The following WBP1L variants were observed in gnomAD, a reference collection of about 807,000 sequenced individuals.
The protein encoded by WBP1L is WW domain binding protein 1 like, also known as WW domain binding protein 1-like.
WBP1L carries 17 observed loss-of-function variants against 33.7 expected under a neutral mutation model. The observed-to-expected ratio is 0.50, with a 90% CI of 0.34 to 0.76. WBP1L has a LOEUF of 0.76. WBP1L is among the 30% of genes least tolerant of loss of function. The pLI is 0.01. For missense variants in WBP1L, 389 were observed against 469.4 expected, an observed-to-expected ratio of 0.83 and a Z score of 1.58; for synonymous variants, 173 against 190.8, an observed-to-expected ratio of 0.91 and a Z score of 0.77.
intron 1 of WBP1L, among the ~76,000 whole-genome samples, chr10:102,773,478 C>T (rs1010101249): frequency 6.6e-6 from 1 of 151,992 alleles, no homozygotes; most frequent in South Asian, 2.1e-4. Flanking sequence ...ATTAGGAAAT[C>T]AGGAAGTCTA....
At chr10:102,800,673 T>C (rs1391655225) in intron 2 of WBP1L, among the ~76,000 whole-genome samples, 1 of 152,212 alleles carries the variant, frequency 6.6e-6, no homozygotes, top group Non-Finnish European at 1.5e-5. Context: ...CAGGAAGTCC[T>C]CCGATCTCCC....
intron 2 of WBP1L, among the ~76,000 whole-genome samples, chr10:102,807,015 G>T (rs946466834): frequency 1.3e-5 from 2 of 152,024 alleles, no homozygotes; most frequent in Non-Finnish European, 2.9e-5. Flanking sequence ...TTTAAACAAG[G>T]TTAACTTGAT....
chr10:102,790,364 A>T (rs1256267261), intron 1 of WBP1L, among the ~76,000 whole-genome samples: 1 of 151,620 alleles, frequency 6.6e-6, no homozygotes, highest in Non-Finnish European at 1.5e-5. Flanking sequence ...TTTGGCTTTA[A>T]TCATTTGAGA....
chr10:102,776,026 G>A (rs1843256310), intron 1 of WBP1L: 1 of 917,106 alleles, frequency 1.1e-6, no homozygotes, highest in African/African-American at 1.8e-5. Context: ...TGGGTCCAGG[G>A]CTGGGCATCG....
intron 2 of WBP1L, among the ~76,000 whole-genome samples, chr10:102,803,765 C>T (rs182271663): frequency 5.3e-5 from 8 of 152,158 alleles, no homozygotes; most frequent in African/African-American, 1.4e-4. Flanking sequence ...CCTGCCACTA[C>T]GCCCAGCTAA....
At chr10:102,754,960 T>C (rs1236861271) in intron 1 of WBP1L, among the ~76,000 whole-genome samples, 1 of 151,192 alleles carries the variant, frequency 6.6e-6, no homozygotes, top group African/African-American at 2.4e-5. Context: ...CTTTCACCTT[T>C]TTTTTTTGAG....
chr10:102,786,966 G>A (rs1237697176), intron 1 of WBP1L, among the ~76,000 whole-genome samples: 1 of 152,204 alleles, frequency 6.6e-6, no homozygotes, highest in South Asian at 2.1e-4. Flanking sequence ...GAGCCCTTAA[G>A]GAGTAAACCA....
At chr10:102,797,502 A>C (rs1302879506) in intron 1 of WBP1L, among the ~76,000 whole-genome samples, 1 of 148,046 alleles carries the variant, frequency 6.8e-6, no homozygotes, top group East Asian at 2.0e-4. Context: ...TTTCCCCTAA[A>C]CTCTGTTGTT....
intron 1 of WBP1L, among the ~76,000 whole-genome samples, chr10:102,750,224 A>G (rs1419501642): frequency 1.3e-5 from 2 of 151,336 alleles, no homozygotes; most frequent in African/African-American, 2.4e-5. Context: ...CGTGGCCAAC[A>G]TGGTGAAACC....
At position 102,789,845 on chromosome 10, in the gene WBP1L, C is replaced by A. The variant is rs528305946; in HGVS notation, c.91-8148C>A. On this transcript the variant is annotated intron_variant, in intron 1 of 3. Transcript: ENST00000448841. ...GCAACCCCCGCCTCTCAGGTTCAAGCGATTTTCCTGCCTCAGCCTCCCGAG... is the reference window on the plus strand; with the variant it reads ...GCAACCCCCGCCTCTCAGGTTCAAGAGATTTTCCTGCCTCAGCCTCCCGAG... Among the ~76,000 whole-genome samples, 48 of 151,018 alleles carry A rather than the reference C, an allele frequency of 3.2e-4. 1 individual carries two copies. The South Asian group carries it at 9.4e-3, about 30-fold the overall frequency.
Position 102,813,433 on chromosome 10 carries a change from C to A in WBP1L, c.*102C>A. On this transcript the variant is annotated 3_prime_UTR_variant, in exon 4 of 4. Transcript: ENST00000448841. ...CTTTCAAAGACTTTCAGAGTACAGC[C>A]ACTTGGTTCCTTTTTGTTTGTTTTC... 7.0e-7 allele frequency: 1 copy of A among 1,422,316 alleles called. No individual in the cohort carries two copies. The highest frequency in any genetic ancestry group is 1.4e-5 in the South Asian group (1 of 70,144). The allele number at this position is 1,422,316 out of a possible 1,614,324, so 88.1% of individuals were successfully genotyped here. A position where few individuals can be genotyped will look rare whatever the true frequency, so the allele number is the denominator to read the frequency against.
intron 3 of WBP1L, among the ~76,000 whole-genome samples, chr10:102,811,460 G>T (rs997128314): frequency 4.6e-5 from 7 of 152,176 alleles, no homozygotes; most frequent in African/African-American, 1.4e-4. Context: ...TCCAAAGCCA[G>T]TCTACAGTGT....
chr10:102,812,683 ACAG>A lies in WBP1L; in HGVS notation c.455_457del (p.Gln152del), dbSNP rs776086045. On this transcript the variant is annotated inframe_deletion, in exon 4 of 4. Coordinates refer to ENST00000448841, the MANE Select transcript of WBP1L (RefSeq NM_001083913.2). ...CCCCACCATACAGTGCCTTCCAGCTACAGCAGCAGCAGCTGCTGCCTCCACAGT... is the reference window on the plus strand; with the variant it reads ...CCCCACCATACAGTGCCTTCCAGCTACAGCAGCAGCTGCTGCCTCCACAGT... The A allele has an allele frequency of 1.2e-6, 2 of 1,613,628 alleles. No individual in the cohort carries two copies. The highest frequency in any genetic ancestry group is 1.7e-6 in the Non-Finnish European group (2 of 1,179,856).
intron 1 of WBP1L, among the ~76,000 whole-genome samples, chr10:102,792,119 T>G (rs1391040353): frequency 6.6e-6 from 1 of 152,188 alleles, no homozygotes; most frequent in East Asian, 1.9e-4. Flanking sequence ...TTTTTTCCAG[T>G]TTGGTGTTGG....
At chr10:102,761,993 G>A (rs1301364312) in intron 1 of WBP1L, among the ~76,000 whole-genome samples, 1 of 152,120 alleles carries the variant, frequency 6.6e-6, no homozygotes, top group Admixed American at 6.5e-5. Flanking sequence ...GACTGCAAGT[G>A]TGTGCCACCA....
At chr10:102,750,932 T>A (rs1842918667) in intron 1 of WBP1L, among the ~76,000 whole-genome samples, 1 of 152,208 alleles carries the variant, frequency 6.6e-6, no homozygotes, top group Admixed American at 6.5e-5. Flanking sequence ...ATTTGCCTGT[T>A]CTAGACATTT....
At chr10:102,746,270 C>A (rs1842863474) in intron 1 of WBP1L, 1 of 605,332 alleles carries the variant, frequency 1.7e-6, no homozygotes, top group Non-Finnish European at 2.1e-6. Flanking sequence ...ACTTCTAATA[C>A]TTAATTTTGG....
chr10:102,778,540 A>C (rs1363040563), intron 1 of WBP1L, among the ~76,000 whole-genome samples: 1 of 152,218 alleles, frequency 6.6e-6, no homozygotes, highest in Non-Finnish European at 1.5e-5. Flanking sequence ...ACAGCAGGTG[A>C]ACCTTTAGCT....
intron 1 of WBP1L, among the ~76,000 whole-genome samples, chr10:102,744,652 AT>A (rs1039421104): frequency 1.3e-5 from 2 of 152,134 alleles, no homozygotes; most frequent in South Asian, 2.1e-4. Context: ...ACTTGGCCCC[AT>A]TTTAAAATCT....
Sources: allele counts gnomAD v4.1 joint callset (sites outside exome capture counted in the v4.1 genomes callset), GRCh38; gene constraint gnomAD v4.1.1; transcripts MANE v1.5; gene names NCBI Gene and HGNC (gene_info 2026-07-23, HGNC 2026-07-21).